Variants in MTMR8 observed in about 807,000 individuals in gnomAD.
The protein encoded by MTMR8 is myotubularin related protein 8, also known as phosphatidylinositol-3,5-bisphosphate 3-phosphatase MTMR8.
Under a neutral mutation model 39.3 loss-of-function variants are expected in MTMR8, and 65 were observed. The ratio of observed to expected loss-of-function variants is 1.65; its 90% CI spans 1.35 to 2.03. The LOEUF (loss-of-function observed/expected upper bound fraction) is 2.03. Among genes scored for constraint, MTMR8 ranks in the 30% most tolerant of loss-of-function variants. The pLI is 0.00. For synonymous variants in MTMR8, 245 were observed against 185.2 expected, an observed-to-expected ratio of 1.32 and a Z score of -2.62; for missense variants, 777 against 538.9, an observed-to-expected ratio of 1.44 and a Z score of -4.37.
intron 8 of MTMR8, 95 bp from the exon 9 acceptor site, chrX:64,337,488 A>G: frequency 1.0e-6 from 1 of 963,228 alleles, no homozygotes; most frequent in Non-Finnish European, 1.4e-6. Flanking sequence ...AGCACAGAGA[A>G]CCTGGTCTTA....
Position 64,271,067 on chromosome X carries a change from C to T in MTMR8, c.1488G>A (p.Trp496Ter). 3 of 1,193,145 alleles carry T rather than the reference C, an allele frequency of 2.5e-6. No individual in the cohort carries two copies. The highest frequency in any genetic ancestry group is 2.3e-6 in the Non-Finnish European group (2 of 887,527). Residue 496 changes from tryptophan (W) to a stop codon, truncating the protein, a stop_gained, in exon 13 of 14, where the codon TGG becomes TGA. Coordinates refer to ENST00000374852, the MANE Select transcript of MTMR8 (RefSeq NM_017677.4). LOFTEE classifies it high-confidence loss of function. ...PSTVPYNIQF[W>*]CGMYNRFDKG... ...TGTCAAAGCGGTTATACATCCCACA[C>T]CAGAACCTCAAATAGACAAAAATGG...
intron 7 of MTMR8, 110 bp downstream of exon 7, chrX:64,344,935 C>T (rs1194516298): frequency 3.7e-6 from 3 of 819,594 alleles, no homozygotes; most frequent in Non-Finnish European, 3.4e-6. Context: ...CACTTATTGA[C>T]TCTGCTCACC....
At chrX:64,382,813 C>T (rs1035615198) in intron 1 of MTMR8, among the ~76,000 whole-genome samples, 9 of 111,400 alleles carry the variant, frequency 8.1e-5, no homozygotes, top group African/African-American at 2.6e-4. Flanking sequence ...AGGCCAATGG[C>T]TCTCCCTCTT....
chrX:64,315,111 C>G (rs894774668), intron 12 of MTMR8, among the ~76,000 whole-genome samples: 1 of 112,137 alleles, frequency 8.9e-6, no homozygotes, highest in African/African-American at 3.2e-5. Context: ...GCACCAAGCC[C>G]TCTGTGCTCC....
Position 64,328,799 on chromosome X carries a change from T to C in MTMR8, c.1454A>G (p.Asn485Ser), listed in dbSNP as rs1470764259. 8.4e-7 allele frequency: 1 copy of C among 1,195,356 alleles called. No individual in the cohort carries two copies. Among genetic ancestry groups the C allele is most frequent in the Non-Finnish European group, 1.1e-6 (1 of 889,733 alleles). The change falls in exon 12 of 14, where the codon AAT becomes AGT. Residue 485 changes from asparagine (N) to serine (S), a missense_variant. Physicochemically the swap from Asn to Ser is conservative, Grantham distance 46. Coordinates refer to ENST00000374852, the MANE Select transcript of MTMR8 (RefSeq NM_017677.4). ...AATGTTGTAGGGCACAGTACTAGGA[T>C]TGAGTACCCCATACATAGTGAAGCC... ...YKGFTMYGVL[N>S]PSTVPYNIQF...
chrX:64,304,913 T>TATACAC (rs1922041404), intron 12 of MTMR8: 5 of 75,154 alleles, frequency 6.7e-5, no homozygotes, highest in African/African-American at 1.7e-4. Context: ...TATATACACA[T>TATACAC]ACATATATAT....
At position 64,359,523 on chromosome X, in the gene MTMR8, T is replaced by C; in HGVS notation, c.29A>G (p.Glu10Gly). The change falls in exon 2 of 14, where the codon GAA becomes GGA. Residue 10 changes from glutamate to glycine, a missense_variant. By Grantham distance (98) the Glu-to-Gly change is moderately conservative. Transcript: ENST00000374852. MDHITVPKV[E>G]NVKLVDRYVS... is the part of the protein sequence containing the mutation. ...ATAACGATCCACCAATTTCACGTTT[T>C]CTACCTGTTATTGGAGGAAAAAATA... 1 of 1,196,373 alleles carries C rather than the reference T, an allele frequency of 8.4e-7. No homozygotes were observed. The highest frequency in any genetic ancestry group is 1.1e-6 in the Non-Finnish European group (1 of 886,752).
chrX:64,376,574 T>C (rs979795315), intron 1 of MTMR8, among the ~76,000 whole-genome samples: 7 of 112,166 alleles, frequency 6.2e-5, no homozygotes, highest in Non-Finnish European at 1.9e-5. Context: ...GTGTTCAAGA[T>C]GTGCCCTGGC....
intron 12 of MTMR8, among the ~76,000 whole-genome samples, chrX:64,307,179 G>T (rs181687463): frequency 8.9e-6 from 1 of 111,862 alleles, no homozygotes; most frequent in African/African-American, 3.3e-5. Context: ...TACTGGATAC[G>T]TTATTTGTAG....
At position 64,388,380 on chromosome X, in the gene MTMR8, C is replaced by A. The variant is rs184891218; in HGVS notation, c.24+6960G>T. 1.9e-3 allele frequency among the ~76,000 whole-genome samples: 211 copies of A among 111,832 alleles called. 3 individuals carry two copies. Among genetic ancestry groups the A allele is most frequent in the Middle Eastern group, 0.014 (3 of 217 alleles). ...TATGACAAGCCTCTCTAATTTAGGT[C>A]TCTTCTTTAAAGTAATAAGCGAGAA... On this transcript the variant is annotated intron_variant, in intron 1 of 13. Transcript: ENST00000374852.
At chrX:64,322,801 G>A (rs1922687705) in intron 12 of MTMR8, among the ~76,000 whole-genome samples, 1 of 112,703 alleles carries the variant, frequency 8.9e-6, no homozygotes, top group Non-Finnish European at 1.9e-5. Context: ...TGCCTAGGAA[G>A]GGCTCTGTCT....
intron 12 of MTMR8, among the ~76,000 whole-genome samples, chrX:64,293,050 A>G (rs1921453389): frequency 9.0e-6 from 1 of 111,237 alleles, no homozygotes; most frequent in Admixed American, 9.6e-5. Flanking sequence ...GATCTCCTAC[A>G]TCAGCTGGGG....
intron 12 of MTMR8, among the ~76,000 whole-genome samples, chrX:64,308,371 G>C (rs1395624339): frequency 2.8e-4 from 23 of 81,409 alleles, no homozygotes; most frequent in Non-Finnish European, 4.9e-4. Flanking sequence ...GGGTTTCACT[G>C]TGTTAGCCAG....
chrX:64,388,477 T>G (rs761624638), intron 1 of MTMR8, among the ~76,000 whole-genome samples: 9 of 111,904 alleles, frequency 8.0e-5, no homozygotes, highest in Non-Finnish European at 1.3e-4. Flanking sequence ...TCATTGAAGG[T>G]TAAGTGTTAA....
At chrX:64,365,774 T>C (rs1341451149) in intron 1 of MTMR8, among the ~76,000 whole-genome samples, 1 of 111,654 alleles carries the variant, frequency 9.0e-6, no homozygotes, top group African/African-American at 3.3e-5. Context: ...TAACCTTAAA[T>C]GTAAATGGGC....
chrX:64,366,089 C>G (rs1445273005), intron 1 of MTMR8, among the ~76,000 whole-genome samples: 16 of 111,989 alleles, frequency 1.4e-4, no homozygotes, highest in Non-Finnish European at 1.9e-5. Context: ...AATACGGGAA[C>G]ACCCAGATTC....
intron 12 of MTMR8, among the ~76,000 whole-genome samples, chrX:64,290,300 G>C (rs1169632401): frequency 9.0e-6 from 1 of 110,701 alleles, no homozygotes; most frequent in Non-Finnish European, 1.9e-5. Flanking sequence ...TAAACTGGGA[G>C]TCGTGGGACA....
chrX:64,320,413 C>T (rs1013711751), intron 12 of MTMR8, among the ~76,000 whole-genome samples: 3 of 110,734 alleles, frequency 2.7e-5, no homozygotes, highest in Non-Finnish European at 5.7e-5. Flanking sequence ...AAGCAATATA[C>T]ATCTTCATCT....
chrX:64,359,674 C>G (rs1252988738), intron 1 of MTMR8, 147 bp from the exon 2 acceptor site: 1 of 451,478 alleles, frequency 2.2e-6, no homozygotes, highest in African/African-American at 2.5e-5. Context: ...CTACTATGAT[C>G]TGTATTACCT....
Sources: gnomAD v4.1 joint callset for allele counts (sites outside exome capture counted in the v4.1 genomes callset) on GRCh38, gnomAD v4.1.1 for gene constraint, MANE v1.5 for transcripts, NCBI Gene and HGNC (gene_info 2026-07-23, HGNC 2026-07-21) for gene names.